The following C5orf46 variants were observed in gnomAD, a reference collection of about 807,000 sequenced individuals.
C5orf46 encodes chromosome 5 open reading frame 46, also known as uncharacterized protein C5orf46.
In C5orf46, 9 loss-of-function variants were observed where a neutral mutation model predicts 8.9. The observed-to-expected ratio is 1.01, with a 90% CI of 0.61 to 1.76. The LOEUF is 1.76. Among genes scored for constraint, C5orf46 ranks in the 40% most tolerant of loss-of-function variants. C5orf46 has a pLI of 0.00. For missense variants in C5orf46, 98 were observed against 107.8 expected (o/e 0.91, Z 0.40); for synonymous variants, 47 against 41.4 (o/e 1.14, Z -0.52).
At chr5:147,901,558 G>A in intron 2 of C5orf46, 71 bp downstream of exon 2, 1 of 1,392,504 alleles carries the variant, frequency 7.2e-7, no homozygotes, top group Non-Finnish European at 9.9e-7. Context: ...GTATTTTAAT[G>A]CCATGAGGTC....
At chr5:147,901,595 T>C (rs766262600) in intron 2 of C5orf46, 34 bp downstream of exon 2, 21 of 1,603,544 alleles carry the variant, frequency 1.3e-5, no homozygotes, top group Non-Finnish European at 1.6e-5. Context: ...CAACAGAGAA[T>C]TGGACAAAAA....
chr5:147,891,491 T>C (rs996092078), downstream of C5orf46, among the ~76,000 whole-genome samples: 1 of 152,186 alleles, frequency 6.6e-6, no homozygotes, highest in Non-Finnish European at 1.5e-5. Flanking sequence ...AAATCTTGTA[T>C]TGATATGGCA....
At chr5:147,897,521 CATT>C (rs1300434070) in intron 2 of C5orf46, among the ~76,000 whole-genome samples, 2 of 152,172 alleles carry the variant, frequency 1.3e-5, no homozygotes, top group African/African-American at 4.8e-5. Context: ...ATGCTAGAAA[CATT>C]ATGCCCTATG....
At chr5:147,903,886 G>A (rs1048997544) in intron 1 of C5orf46, among the ~76,000 whole-genome samples, 5 of 152,046 alleles carry the variant, frequency 3.3e-5, no homozygotes, top group Non-Finnish European at 7.4e-5. Flanking sequence ...TAGCAGGGAC[G>A]ACAGGCATAT....
At chr5:147,901,812 C>A (rs1757676322) in intron 1 of C5orf46, 39 bp from the exon 2 acceptor site, 1 of 1,595,478 alleles carries the variant, frequency 6.3e-7, no homozygotes, top group African/African-American at 1.3e-5. Context: ...TTCTCAGCAA[C>A]AAAGAAGGAA....
intron 2 of C5orf46, among the ~76,000 whole-genome samples, chr5:147,900,594 G>A (rs1757651640): frequency 6.6e-6 from 1 of 152,196 alleles, no homozygotes; most frequent in South Asian, 2.1e-4. Context: ...GAAAATTTCT[G>A]TATATCAGAA....
At chr5:147,899,657 T>C (rs1022972441) in intron 2 of C5orf46, among the ~76,000 whole-genome samples, 12 of 152,192 alleles carry the variant, frequency 7.9e-5, no homozygotes, top group Non-Finnish European at 1.6e-4. Flanking sequence ...TCATTTCGGA[T>C]GGTAACAAAT....
intron 1 of C5orf46, among the ~76,000 whole-genome samples, chr5:147,902,586 T>A (rs992658108): frequency 6.6e-6 from 1 of 152,212 alleles, no homozygotes; most frequent in African/African-American, 2.4e-5. Context: ...ATTATCCCAA[T>A]TTAAAGGTAA....
chr5:147,902,834 T>C (rs1757692311), intron 1 of C5orf46, among the ~76,000 whole-genome samples: 1 of 152,216 alleles, frequency 6.6e-6, no homozygotes, highest in Non-Finnish European at 1.5e-5. Flanking sequence ...TATCACCTAG[T>C]AGTTTCATAA....
intron 2 of C5orf46, among the ~76,000 whole-genome samples, chr5:147,899,352 C>G (rs376072115): frequency 2.0e-5 from 3 of 152,142 alleles, no homozygotes; most frequent in East Asian, 3.9e-4. Context: ...TCCTCCACCC[C>G]CTATTTTGCT....
intron 3 of C5orf46, among the ~76,000 whole-genome samples, chr5:147,896,732 T>C (rs183198048): frequency 1.3e-5 from 2 of 152,314 alleles, no homozygotes; most frequent in Admixed American, 1.3e-4. Context: ...AGCAGATTTG[T>C]GACAGGAATC....
chr5:147,890,695 G>A (rs1757490130), downstream of C5orf46, among the ~76,000 whole-genome samples: 1 of 152,016 alleles, frequency 6.6e-6, no homozygotes, highest in East Asian at 1.9e-4. Context: ...TTTAGGCACA[G>A]GGAAGAGGAA....
chr5:147,899,101 C>T (rs186508247), intron 2 of C5orf46, among the ~76,000 whole-genome samples: 314 of 152,274 alleles, frequency 2.1e-3, no homozygotes, highest in African/African-American at 7.2e-3. Context: ...AAACACTTCC[C>T]TAAGCACACT....
Position 147,901,738 on chromosome 5 carries a change from CGTCTGGCTTGTCGTCTGGCTT to C in C5orf46, c.85_105del (p.Lys29_Asp35del), listed in dbSNP as rs1202850611. The C allele has an allele frequency of 6.2e-7, 1 of 1,613,718 alleles. No individual in the cohort carries two copies. The highest frequency in any genetic ancestry group is 8.5e-7 in the Non-Finnish European group (1 of 1,179,924). On this transcript the variant is annotated inframe_deletion, in exon 2 of 4. Transcript: ENST00000318315. ...TCTGGCTTTGGGTCTTTGCCCGAGTCGTCTGGCTTGTCGTCTGGCTTGTCTGGTTTGTCGTCTGAAAAACAA... is the reference window on the plus strand; with the variant it reads ...TCTGGCTTTGGGTCTTTGCCCGAGTCGTCTGGTTTGTCGTCTGAAAAACAA...
intron 2 of C5orf46, among the ~76,000 whole-genome samples, chr5:147,899,990 C>T (rs183904178): frequency 2.0e-5 from 3 of 152,216 alleles, no homozygotes; most frequent in East Asian, 3.9e-4. Flanking sequence ...ATCAGAGAGT[C>T]GACTCTTATG....
chr5:147,893,683 C>G (rs1159873183), intron 3 of C5orf46, among the ~76,000 whole-genome samples: 2 of 152,168 alleles, frequency 1.3e-5, no homozygotes, highest in African/African-American at 4.8e-5. Context: ...GCTGGGATTA[C>G]TGGCATGTGC....
downstream of C5orf46, among the ~76,000 whole-genome samples, chr5:147,890,310 A>T (rs918460347): frequency 6.6e-6 from 1 of 152,116 alleles, no homozygotes; most frequent in South Asian, 2.1e-4. Flanking sequence ...AAATTTCTTC[A>T]CTTTTTGCAA....
At chr5:147,895,032 C>G (rs531276128) in intron 3 of C5orf46, among the ~76,000 whole-genome samples, 126 of 150,030 alleles carry the variant, frequency 8.4e-4, no homozygotes, top group African/African-American at 3.0e-3. Context: ...CACTGCACTC[C>G]AACCTGGGTG....
At chr5:147,905,561 T>C (rs1757738254) in intron 1 of C5orf46, among the ~76,000 whole-genome samples, 1 of 152,194 alleles carries the variant, frequency 6.6e-6, no homozygotes, top group Admixed American at 6.5e-5. Context: ...TCACTAAATG[T>C]TTGCACTCCC....
Sources: gnomAD v4.1 joint callset for allele counts (sites outside exome capture counted in the v4.1 genomes callset) on GRCh38, gnomAD v4.1.1 for gene constraint, MANE v1.5 for transcripts, NCBI Gene and HGNC (gene_info 2026-07-23, HGNC 2026-07-21) for gene names.